The following ZNF804A variants were observed in gnomAD, a reference collection of about 807,000 sequenced individuals.
The protein encoded by ZNF804A is zinc finger protein 804A.
Under a neutral mutation model 16.5 loss-of-function variants are expected in ZNF804A, and 2 were observed. That is an observed-to-expected ratio of 0.12 (90% CI 0.05 to 0.38). ZNF804A has a LOEUF of 0.38. Ranked by LOEUF, ZNF804A falls within the 10% of genes least tolerant of loss-of-function variation. The pLI is 0.99. For missense variants in ZNF804A, 1,473 were observed against 1,390.7 expected (o/e 1.06, Z -0.94); for synonymous variants, 534 against 489.6 (o/e 1.09, Z -1.20).
intron 1 of ZNF804A, among the ~76,000 whole-genome samples, chr2:184,729,251 C>CAT (rs756257390): frequency 1.4e-3 from 216 of 151,408 alleles, no homozygotes; most frequent in Non-Finnish European, 2.7e-3. Context: ...TTCTACAATG[C>CAT]ATATATATAT....
chr2:184,794,984 G>A (rs1173740340), intron 1 of ZNF804A, among the ~76,000 whole-genome samples: 1 of 152,068 alleles, frequency 6.6e-6, no homozygotes, highest in East Asian at 1.9e-4. Context: ...GGGGACTTCA[G>A]TACTCCACTG....
chr2:184,731,251 C>CAAAAAAAAAAAAAAAAA (rs563068533), intron 1 of ZNF804A, among the ~76,000 whole-genome samples: 2 of 45,294 alleles, frequency 4.4e-5, no homozygotes, highest in African/African-American at 9.9e-5. Context: ...GGCTCCGTCG[C>CAAAAAAAAAAAAAAAAA]AAAAAAAAAA....
intron 1 of ZNF804A, among the ~76,000 whole-genome samples, chr2:184,817,710 T>C (rs937045158): frequency 6.6e-6 from 1 of 151,914 alleles, no homozygotes; most frequent in African/African-American, 2.4e-5. Flanking sequence ...GAGAGGAGCA[T>C]AACTGACCTC....
At chr2:184,906,534 G>A (rs868046459) in intron 2 of ZNF804A, among the ~76,000 whole-genome samples, 5 of 152,010 alleles carry the variant, frequency 3.3e-5, no homozygotes, top group Admixed American at 6.6e-5. Context: ...CTACTGGGCT[G>A]AAGAGATCCA....
rs1226728503 is a variant in ZNF804A at position 184,866,470 on chromosome 2, G to C, written c.213G>C (p.Glu71Asp). Residue 71 changes from glutamate (E) to aspartate (D), a missense_variant, in exon 2 of 4, where the codon GAG becomes GAC. Coordinates refer to ENST00000302277, the MANE Select transcript of ZNF804A (RefSeq NM_194250.2). ...ACAAGCAGTACTATAAGCACCAGGA[G>C]TTTGACAATCACATTAATTCATATG... ...LCDKQYYKHQ[E>D]FDNHINSYDH... 1 of 1,612,288 alleles carries C rather than the reference G, an allele frequency of 6.2e-7. No individual in the cohort carries two copies. The highest frequency in any genetic ancestry group is 8.5e-7 in the Non-Finnish European group (1 of 1,179,192).
intron 1 of ZNF804A, among the ~76,000 whole-genome samples, chr2:184,703,689 CA>C (rs10593157): frequency 0.036 from 2,022 of 56,272 alleles, 40 homozygotes; most frequent in African/African-American, 0.073. Context: ...GACTCCGGTT[CA>C]AAAAAAAAAA....
chr2:184,688,963 T>C (rs1692687433), intron 1 of ZNF804A, among the ~76,000 whole-genome samples: 1 of 152,180 alleles, frequency 6.6e-6, no homozygotes, highest in African/African-American at 2.4e-5. Context: ...ATAACCAACA[T>C]GTTTGTAGAA....
chr2:184,663,692 C>T (rs1692215327), intron 1 of ZNF804A, among the ~76,000 whole-genome samples: 1 of 152,150 alleles, frequency 6.6e-6, no homozygotes, highest in Non-Finnish European at 1.5e-5. Context: ...TTGGGGCCCA[C>T]CGATGGCAAC....
chr2:184,618,412 G>A (rs779565548), intron 1 of ZNF804A, among the ~76,000 whole-genome samples: 12 of 152,082 alleles, frequency 7.9e-5, no homozygotes, highest in Non-Finnish European at 1.5e-4. Flanking sequence ...GCACGAAGTA[G>A]CATGTTTAAT....
At chr2:184,677,410 G>A (rs578175096) in intron 1 of ZNF804A, among the ~76,000 whole-genome samples, 2 of 151,928 alleles carry the variant, frequency 1.3e-5, no homozygotes, top group African/African-American at 4.8e-5. Context: ...TCAATTCTTG[G>A]GAAGAGAAAT....
chr2:184,771,840 T>C (rs62176239), intron 1 of ZNF804A, among the ~76,000 whole-genome samples: 25,727 of 151,986 alleles, frequency 0.17, 2,754 homozygotes, highest in East Asian at 0.27. Context: ...GAGTCTTTTA[T>C]AAAACAATGT....
At chr2:184,879,503 C>T (rs1450339841) in intron 2 of ZNF804A, among the ~76,000 whole-genome samples, 1 of 151,896 alleles carries the variant, frequency 6.6e-6, no homozygotes, top group Non-Finnish European at 1.5e-5. Context: ...TTACAACAAA[C>T]TGAACAAGGC....
At chr2:184,835,288 A>G (rs966706157) in intron 1 of ZNF804A, among the ~76,000 whole-genome samples, 1 of 152,148 alleles carries the variant, frequency 6.6e-6, no homozygotes, top group South Asian at 2.1e-4. Context: ...GGGCTATCCC[A>G]TTGGCAGTGT....
At chr2:184,845,547 G>A (rs1000214462) in intron 1 of ZNF804A, among the ~76,000 whole-genome samples, 23 of 152,064 alleles carry the variant, frequency 1.5e-4, no homozygotes, top group African/African-American at 5.6e-4. Context: ...AGGCTATGGG[G>A]TCTGGACTGG....
At position 184,936,020 on chromosome 2, in the gene ZNF804A, C is replaced by G. The variant is rs768617318; in HGVS notation, c.624C>G (p.His208Gln). The change falls in exon 4 of 4, where the codon CAC (histidine) becomes CAG (glutamine). Residue 208 changes from histidine (H) to glutamine (Q), a missense_variant. His to Gln is a conservative substitution (Grantham distance 24). Coordinates refer to ENST00000302277, the MANE Select transcript of ZNF804A (RefSeq NM_194250.2). ...NQVGDQAQGI[H>Q]RHKIGFSFAF... ...TTGGGGATCAAGCCCAGGGGATTCA[C>G]AGACACAAAATCGGCTTTTCTTTTG... is the stretch of plus-strand genomic sequence containing the variant. 6.2e-7 allele frequency: 1 copy of G among 1,613,924 alleles called. No homozygotes were observed. Among genetic ancestry groups the G allele is most frequent in the African/African-American group, 1.3e-5 (1 of 74,924 alleles).
chr2:184,795,575 A>G (rs1473046988), intron 1 of ZNF804A, among the ~76,000 whole-genome samples: 4 of 152,218 alleles, frequency 2.6e-5, no homozygotes, highest in Non-Finnish European at 5.9e-5. Context: ...CCAGGATCAG[A>G]GTAGAAATAA....
intron 1 of ZNF804A, among the ~76,000 whole-genome samples, chr2:184,646,205 G>T (rs939972970): frequency 6.6e-6 from 1 of 152,192 alleles, no homozygotes. Context: ...AGTGGGGTAA[G>T]GGCTTCCACA....
intron 1 of ZNF804A, among the ~76,000 whole-genome samples, chr2:184,765,607 C>T (rs1038135938): frequency 1.5e-5 from 2 of 131,248 alleles, no homozygotes; most frequent in Non-Finnish European, 3.1e-5. Context: ...TCACATGCAC[C>T]CCCCCCCCTT....
intron 1 of ZNF804A, among the ~76,000 whole-genome samples, chr2:184,607,447 C>T (rs944797171): frequency 6.6e-6 from 1 of 152,016 alleles, no homozygotes; most frequent in Non-Finnish European, 1.5e-5. Context: ...GGAGAAGTGC[C>T]GAGTGAAGGC....
Sources: gnomAD v4.1 joint callset for allele counts (sites outside exome capture counted in the v4.1 genomes callset) on GRCh38, gnomAD v4.1.1 for gene constraint, MANE v1.5 for transcripts, NCBI Gene and HGNC (gene_info 2026-07-23, HGNC 2026-07-21) for gene names.